The following ABHD13 variants were observed in gnomAD, a reference collection of about 807,000 sequenced individuals.
ABHD13 encodes the protein abhydrolase domain containing 13.
Under a neutral mutation model 25.2 loss-of-function variants are expected in ABHD13, and 7 were observed. The ratio of observed to expected loss-of-function variants is 0.28; its 90% CI spans 0.16 to 0.52. ABHD13 has a LOEUF of 0.52. Among genes scored for constraint, ABHD13 ranks in the 20% least tolerant of loss-of-function variants. ABHD13 has a pLI of 0.96. For synonymous variants in ABHD13, 133 were observed against 136.1 expected, an observed-to-expected ratio of 0.98 and a Z score of 0.16; for missense variants, 302 against 402.7, an observed-to-expected ratio of 0.75 and a Z score of 2.14.
Position 108,232,054 on chromosome 13 carries a change from T to C in ABHD13, c.*1822T>C, listed in dbSNP as rs1424316344. The C allele has an allele frequency of 6.0e-6, 1 of 166,626 alleles. No individual in the cohort carries two copies. Among genetic ancestry groups the C allele is most frequent in the Non-Finnish European group, 1.5e-5 (1 of 67,990 alleles). The allele number at this position is 166,626 out of a possible 1,614,324, so 10.3% of individuals were successfully genotyped here. A position where few individuals can be genotyped will look rare whatever the true frequency, so the allele number is the denominator to read the frequency against. The stretch of plus-strand genomic sequence containing the variant: ...AAAAGAAAATACAACAAAATGTATA[T>C]TTAGACACGAGCTTACATGGCATAC... On this transcript the variant is annotated 3_prime_UTR_variant, in exon 2 of 2. Transcript: ENST00000375898.
chr13:108,224,418 G>C (rs1879632047), intron 1 of ABHD13, among the ~76,000 whole-genome samples: 1 of 152,178 alleles, frequency 6.6e-6, no homozygotes, highest in South Asian at 2.1e-4. Flanking sequence ...GCTCCCCTGG[G>C]AGCCTGCAGT....
intron 1 of ABHD13, among the ~76,000 whole-genome samples, chr13:108,220,805 C>A (rs1301367805): frequency 6.6e-6 from 1 of 152,182 alleles, no homozygotes; most frequent in African/African-American, 2.4e-5. Context: ...TTATATAACA[C>A]TGGTTTTATA....
At chr13:108,219,302 A>T (rs1305648107) in intron 1 of ABHD13, among the ~76,000 whole-genome samples, 1 of 152,216 alleles carries the variant, frequency 6.6e-6, no homozygotes, top group African/African-American at 2.4e-5. Context: ...AAAATGAATT[A>T]CTAGTATTAC....
Position 108,230,817 on chromosome 13 carries a change from A to C in ABHD13, c.*585A>C, listed in dbSNP as rs1336707967. 6.0e-6 allele frequency: 1 copy of C among 166,812 alleles called. No individual in the cohort carries two copies. Among genetic ancestry groups the C allele is most frequent in the African/African-American group, 2.4e-5 (1 of 41,404 alleles). 10.3% of individuals were successfully genotyped at this position (166,812 alleles called of 1,614,324 possible). ...TATTTTGTTTTTGGCAAGAAGTGAA[A>C]TTGAGACTTATGTGCAGGTTGCCAT... On this transcript the variant is annotated 3_prime_UTR_variant, in exon 2 of 2. Transcript: ENST00000375898.
intron 1 of ABHD13, among the ~76,000 whole-genome samples, chr13:108,223,566 T>C (rs1299839347): frequency 2.6e-5 from 4 of 152,238 alleles, no homozygotes. Flanking sequence ...CGTGAGCTCA[T>C]GGTGATAAAG....
Position 108,232,494 on chromosome 13 carries a change from T to C in ABHD13, c.*2262T>C. 1 of 167,058 alleles carries C rather than the reference T, an allele frequency of 6.0e-6. No homozygotes were observed. The allele number at this position is 167,058 out of a possible 1,614,324, so 10.3% of individuals were successfully genotyped here. ...GGGGTCCATGAAGCCCATGGCATCATTTTTGAAAATATTTCTAGTTTTGTA... is the reference window on the plus strand; with the variant it reads ...GGGGTCCATGAAGCCCATGGCATCACTTTTGAAAATATTTCTAGTTTTGTA... On this transcript the variant is annotated 3_prime_UTR_variant, in exon 2 of 2. Coordinates refer to ENST00000375898, the MANE Select transcript of ABHD13 (RefSeq NM_032859.3).
At chr13:108,220,986 T>C (rs1879556245) in intron 1 of ABHD13, among the ~76,000 whole-genome samples, 1 of 152,224 alleles carries the variant, frequency 6.6e-6, no homozygotes, top group South Asian at 2.1e-4. Context: ...TCAGAACAAA[T>C]TGTGGTTGGC....
rs1879793904 is a variant in ABHD13 at position 108,231,082 on chromosome 13, A to G, written c.*850A>G. On this transcript the variant is annotated 3_prime_UTR_variant, in exon 2 of 2. Coordinates refer to ENST00000375898, the MANE Select transcript of ABHD13 (RefSeq NM_032859.3). ...GATTTTGTAAGTCTTCAGCTGAACC[A>G]CTAATAGCAGTCATAGTGAAGATTA... 6.0e-6 allele frequency: 1 copy of G among 166,724 alleles called. No individual in the cohort carries two copies. The highest frequency in any genetic ancestry group is 2.4e-5 in the African/African-American group (1 of 41,438). 10.3% of individuals were successfully genotyped at this position (166,724 alleles called of 1,614,324 possible).
At position 108,224,551 on chromosome 13, in the gene ABHD13, T is replaced by C. The variant is rs577033246; in HGVS notation, c.-20-4648T>C. ...TATTTTTCCTTAAAAATGGAACCATTCGTGATCCTATATGAACACAGGAGA... is the reference window on the plus strand; with the variant it reads ...TATTTTTCCTTAAAAATGGAACCATCCGTGATCCTATATGAACACAGGAGA... On this transcript the variant is annotated intron_variant, in intron 1 of 1. Coordinates refer to ENST00000375898, the MANE Select transcript of ABHD13 (RefSeq NM_032859.3). Among the ~76,000 whole-genome samples the C allele has an allele frequency of 2.0e-4, 30 of 152,302 alleles. No individual in the cohort carries two copies. In the South Asian group the frequency reaches 4.6e-3, roughly 23 times the overall value.
At chr13:108,219,097 A>T (rs2139006224) in intron 1 of ABHD13, among the ~76,000 whole-genome samples, 1 of 152,182 alleles carries the variant, frequency 6.6e-6, no homozygotes, top group East Asian at 1.9e-4. Flanking sequence ...CCTCCCACAC[A>T]GACATGAAAA....
chr13:108,223,738 C>G (rs745327318), intron 1 of ABHD13, among the ~76,000 whole-genome samples: 2 of 152,002 alleles, frequency 1.3e-5, no homozygotes, highest in Non-Finnish European at 2.9e-5. Context: ...TCTTGTGGAC[C>G]CCATTAGAGG....
At chr13:108,219,157 A>C (rs1008899378) in intron 1 of ABHD13, among the ~76,000 whole-genome samples, 5 of 152,156 alleles carry the variant, frequency 3.3e-5, no homozygotes, top group African/African-American at 4.8e-5. Context: ...GAGAGCCCCG[A>C]TCTAATCACG....
At chr13:108,224,118 G>T (rs1221108804) in intron 1 of ABHD13, among the ~76,000 whole-genome samples, 2 of 152,110 alleles carry the variant, frequency 1.3e-5, no homozygotes, top group African/African-American at 2.4e-5. Flanking sequence ...TACAGCTAAG[G>T]TTTTGATTTT....
intron 1 of ABHD13, among the ~76,000 whole-genome samples, chr13:108,222,000 G>A (rs1280620873): frequency 6.6e-6 from 1 of 152,048 alleles, no homozygotes; most frequent in Non-Finnish European, 1.5e-5. Flanking sequence ...ACCATGCCCG[G>A]CTAATTTTTT....
rs1189382935 is a variant in ABHD13, at chr13:108,229,845, G to A, written c.627G>A (p.Arg209=). The change falls in exon 2 of 2, where the codon AGG becomes AGA. Residue 209 remains arginine (R), a synonymous_variant. Transcript: ENST00000375898. The surrounding 1 kb of genome is among the most constrained non-coding windows in gnomAD (Gnocchi z 4.7). ...ATTTGGCTTCTGAAAATTCACATAG[G>A]ATTTCAGCCATTATGGTGGAGAACA... is the stretch of plus-strand genomic sequence containing the variant. ...AIHLASENSH[R]ISAIMVENTF... is the part of the protein sequence containing the mutation. 1.2e-6 allele frequency: 2 copies of A among 1,613,400 alleles called. No individual in the cohort carries two copies. The highest frequency in any genetic ancestry group is 2.2e-5 in the South Asian group (2 of 91,068).
At position 108,223,699 on chromosome 13, in the gene ABHD13, T is replaced by C. The variant is rs75447436; in HGVS notation, c.-21+5040T>C. On this transcript the variant is annotated intron_variant, in intron 1 of 1. Coordinates refer to ENST00000375898, the MANE Select transcript of ABHD13 (RefSeq NM_032859.3). ...CAAACAGTGAAAAAAGTAAATGATA[T>C]TTTAGTATTATTATGAGCATAATAC... Among the ~76,000 whole-genome samples, 609 of 152,326 alleles carry C rather than the reference T, an allele frequency of 4.0e-3. 30 individuals are homozygous for C. The East Asian group carries it at 0.093, about 23-fold the overall frequency.
Position 108,229,626 on chromosome 13 carries a change from T to C in ABHD13, c.408T>C (p.Leu136=). The C allele has an allele frequency of 6.2e-7, 1 of 1,613,340 alleles. No individual in the cohort carries two copies. The highest frequency in any genetic ancestry group is 8.5e-7 in the Non-Finnish European group (1 of 1,179,592). Residue 136 remains leucine (L), a synonymous_variant, in exon 2 of 2, where the codon CTT becomes CTC. Transcript: ENST00000375898. This position sits in a 1 kb window ranked among gnomAD's most constrained non-coding sequence, Gnocchi z 4.7. ...GTCACAGGTTGCCAAATGCATTACTTATGTTGGTTAACCTCAAAGTTAACC... is the reference window on the plus strand; with the variant it reads ...GTCACAGGTTGCCAAATGCATTACTCATGTTGGTTAACCTCAAAGTTAACC... ...NIGHRLPNAL[L]MLVNLKVNLL...
At chr13:108,221,666 G>A (rs921568703) in intron 1 of ABHD13, among the ~76,000 whole-genome samples, 2 of 152,180 alleles carry the variant, frequency 1.3e-5, no homozygotes, top group African/African-American at 4.8e-5. Flanking sequence ...AAATAATAGT[G>A]CCTTTATGAC....
intron 1 of ABHD13, among the ~76,000 whole-genome samples, chr13:108,219,034 C>T (rs982527862): frequency 2.6e-5 from 4 of 152,070 alleles, no homozygotes; most frequent in African/African-American, 9.7e-5. Context: ...ATTGTATTTC[C>T]AGTAATGTGT....
Sources: allele counts gnomAD v4.1 joint callset (sites outside exome capture counted in the v4.1 genomes callset), GRCh38; gene constraint gnomAD v4.1.1; non-coding constraint Gnocchi (gnomAD v3.1); transcripts MANE v1.5; gene names NCBI Gene and HGNC (gene_info 2026-07-23, HGNC 2026-07-21).